The following DCLRE1C variants were observed in gnomAD, a reference collection of about 807,000 sequenced individuals.
DCLRE1C encodes the protein DNA cross-link repair 1C, also known as protein artemis.
DCLRE1C carries 47 observed loss-of-function variants against 61.4 expected under a neutral mutation model. The ratio of observed to expected loss-of-function variants is 0.77; its 90% confidence interval spans 0.61 to 0.98. The LOEUF (loss-of-function observed/expected upper bound fraction) is 0.98. DCLRE1C is among the 50% of genes least tolerant of loss of function. The probability of loss-of-function intolerance (pLI) is 0.00; values close to 1 mark genes in which losing one functional copy is unlikely to be tolerated. For missense variants in DCLRE1C, 858 were observed against 816.0 expected (o/e 1.05, Z -0.63); for synonymous variants, 337 against 287.6 (o/e 1.17, Z -1.74).
At chr10:14,951,716 A>G (rs1405950437) in intron 1 of DCLRE1C, among the ~76,000 whole-genome samples, 1 of 152,162 alleles carries the variant, frequency 6.6e-6, no homozygotes, top group Non-Finnish European at 1.5e-5. Flanking sequence ...TAGGCCCCGC[A>G]TGAGGACAGA....
chr10:14,918,637 A>G (rs926695877), intron 13 of DCLRE1C, among the ~76,000 whole-genome samples: 14 of 152,098 alleles, frequency 9.2e-5, no homozygotes, highest in African/African-American at 3.1e-4. Flanking sequence ...TTTAAAAAAA[A>G]AAAAAAAGAA....
chr10:14,947,201 G>A (rs41304338), intron 2 of DCLRE1C, among the ~76,000 whole-genome samples: 13 of 141,416 alleles, frequency 9.2e-5, no homozygotes, highest in Admixed American at 6.9e-4. Context: ...AGCAGAGTTC[G>A]ACTCTGTTTC....
chr10:14,938,959 TCC>T (rs1490318510), intron 4 of DCLRE1C, among the ~76,000 whole-genome samples: 2 of 152,166 alleles, frequency 1.3e-5, no homozygotes, highest in African/African-American at 4.8e-5. Context: ...TTCGTGTCCC[TCC>T]CCAAAATTCC....
At chr10:14,922,235 G>A (rs1837235356) in intron 12 of DCLRE1C, among the ~76,000 whole-genome samples, 1 of 152,174 alleles carries the variant, frequency 6.6e-6, no homozygotes, top group Non-Finnish European at 1.5e-5. Flanking sequence ...GAGCTCGGGA[G>A]TTCGAGACCA....
chr10:14,941,881 G>C (rs1183295203), intron 3 of DCLRE1C, among the ~76,000 whole-genome samples: 3 of 152,080 alleles, frequency 2.0e-5, no homozygotes, highest in Admixed American at 2.0e-4. Flanking sequence ...TCAGCATCTG[G>C]GAGGGGCATG....
chr10:14,931,840 A>AC (rs958234291), intron 9 of DCLRE1C, among the ~76,000 whole-genome samples: 2 of 151,966 alleles, frequency 1.3e-5, no homozygotes, highest in African/African-American at 2.4e-5. Flanking sequence ...GGAGTTCAAG[A>AC]CCCCCCTGGC....
At chr10:14,913,417 A>C (rs1835630434) in intron 13 of DCLRE1C, among the ~76,000 whole-genome samples, 1 of 152,384 alleles carries the variant, frequency 6.6e-6, no homozygotes, top group Non-Finnish European at 1.5e-5. Flanking sequence ...AAGCTTAAAA[A>C]ATAATTTTGT....
At chr10:14,919,191 T>C (rs1368680173) in intron 13 of DCLRE1C, among the ~76,000 whole-genome samples, 1 of 152,184 alleles carries the variant, frequency 6.6e-6, no homozygotes, top group East Asian at 1.9e-4. Context: ...CCCCAGAGCT[T>C]TGCTCAGAAT....
chr10:14,928,603 G>A (rs537031203), intron 9 of DCLRE1C, among the ~76,000 whole-genome samples: 9 of 152,128 alleles, frequency 5.9e-5, no homozygotes, highest in African/African-American at 1.9e-4. Context: ...TTGTACTGTG[G>A]TTATATAGGA....
chr10:14,900,502 C>T (rs1833928401), downstream of DCLRE1C, among the ~76,000 whole-genome samples: 1 of 152,166 alleles, frequency 6.6e-6, no homozygotes. Flanking sequence ...GTTGATTAAA[C>T]ATTGAAGAAT....
intron 3 of DCLRE1C, among the ~76,000 whole-genome samples, chr10:14,940,285 CTTTTA>C (rs1159049426): frequency 4.8e-5 from 5 of 103,220 alleles, no homozygotes; most frequent in Admixed American, 3.9e-4. Context: ...ATACACGGTT[CTTTTA>C]TTTTTTTTTT....
chr10:14,937,397 T>C (rs1052754524), intron 4 of DCLRE1C, among the ~76,000 whole-genome samples: 3 of 151,188 alleles, frequency 2.0e-5, no homozygotes, highest in Admixed American at 1.3e-4. Flanking sequence ...GTAATTCTCC[T>C]GCCTCAGCCT....
chr10:14,926,446 G>T (rs977579800), intron 11 of DCLRE1C, among the ~76,000 whole-genome samples: 6 of 152,176 alleles, frequency 3.9e-5, no homozygotes, highest in African/African-American at 9.7e-5. Context: ...CCTGACGTCA[G>T]TTCAAAACCA....
chr10:14,908,734 T>C lies in DCLRE1C; in HGVS notation c.1753A>G (p.Asn585Asp). 6.2e-7 allele frequency: 1 copy of C among 1,614,226 alleles called. No individual in the cohort carries two copies. Among genetic ancestry groups the C allele is most frequent in the Non-Finnish European group, 8.5e-7 (1 of 1,180,042 alleles). The change falls in exon 14 of 14, where the codon AAT becomes GAT. Residue 585 changes from asparagine (N) to aspartate (D), a missense_variant. This residue lies in a region of DCLRE1C where 843 missense variants were observed against 783.5 expected (regional missense o/e 1.08). Transcript: ENST00000378278. ...KADYRPTIKE[N>D]IPASLMEQNV... ...TGTTCCATGAGAGAGGCAGGAATAT[T>C]CTCTTTGATTGTTGGTCTGTAGTCA...
chr10:14,947,875 C>T (rs1841921569), intron 2 of DCLRE1C, among the ~76,000 whole-genome samples: 1 of 152,084 alleles, frequency 6.6e-6, no homozygotes, highest in Admixed American at 6.5e-5. Context: ...GCCTGGCGAA[C>T]ATGGTAAAAC....
In DCLRE1C at chr10:14,954,040, C is replaced by T. The variant is rs547170566; in HGVS notation, c.-30G>A. On this transcript the variant is annotated 5_prime_UTR_variant, in exon 1 of 14. Transcript: ENST00000378278. ...CCGCCGATCCCAGAGTCCGGGACCC[C>T]AAAACCGCAGCTGAAGCCAAGGCCA... is the stretch of plus-strand genomic sequence containing the variant. The T allele has an allele frequency of 7.4e-6, 12 of 1,613,474 alleles. No homozygotes were observed. The African/African-American group carries it at 1.5e-4, about 20-fold the overall frequency.
exon 14 of DCLRE1C, chr10:14,897,536 G>A (rs370102250): frequency 4.7e-6 from 7 of 1,491,710 alleles, no homozygotes; most frequent in Middle Eastern, 1.8e-4. Flanking sequence ...CATTTGCCAC[G>A]TAGTAAATGA....
intron 13 of DCLRE1C, among the ~76,000 whole-genome samples, chr10:14,910,864 A>G (rs567634114): frequency 1.3e-4 from 20 of 152,340 alleles, no homozygotes; most frequent in African/African-American, 4.1e-4. Context: ...ATTAAGGACA[A>G]TGACATGAGA....
In DCLRE1C at chr10:14,949,542, G is replaced by C. The variant is rs144226315; in HGVS notation, c.110-455C>G. ...CACTCAGGTTCAGAGTAAGTGTTTC[G>C]TCATCTTCTCAGCCTACTGTGATGG... On this transcript the variant is annotated intron_variant, in intron 1 of 13. Transcript: ENST00000378278. 2.8e-3 allele frequency among the ~76,000 whole-genome samples: 434 copies of C among 152,306 alleles called. 1 individual carries two copies. Among genetic ancestry groups the C allele is most frequent in the African/African-American group, 1.0e-2 (414 of 41,572 alleles).
Sources: gnomAD v4.1 joint callset for allele counts (sites outside exome capture counted in the v4.1 genomes callset) on GRCh38, gnomAD v4.1.1 for gene constraint, gnomAD v4.1.1 regional missense constraint, MANE v1.5 for transcripts, NCBI Gene and HGNC (gene_info 2026-07-23, HGNC 2026-07-21) for gene names.